The following HS3ST3A1 variants were observed in gnomAD, a reference collection of about 807,000 sequenced individuals.
HS3ST3A1 encodes the protein heparan sulfate-glucosamine 3-sulfotransferase 3A1.
HS3ST3A1 carries 19 observed loss-of-function variants against 25.7 expected under a neutral mutation model. That is an observed-to-expected ratio of 0.74 (90% CI 0.52 to 1.08). The LOEUF is 1.08. Among genes scored for constraint, HS3ST3A1 ranks in the 50% least tolerant of loss-of-function variants. The probability of loss-of-function intolerance (pLI) is 0.00; values close to 1 mark genes in which losing one functional copy is unlikely to be tolerated. For missense variants in HS3ST3A1, 459 were observed against 594.3 expected (o/e 0.77, Z 2.37); for synonymous variants, 226 against 278.6 (o/e 0.81, Z 1.88).
intron 1 of HS3ST3A1, among the ~76,000 whole-genome samples, chr17:13,534,498 G>A (rs191952950): frequency 8.0e-6 from 1 of 125,646 alleles, no homozygotes; most frequent in Non-Finnish European, 1.6e-5. Flanking sequence ...GAGCCCAGGA[G>A]TTTGAGACCA....
chr17:13,499,494 A>C (rs1253533026), intron 1 of HS3ST3A1, among the ~76,000 whole-genome samples: 1 of 151,934 alleles, frequency 6.6e-6, no homozygotes, highest in East Asian at 1.9e-4. Flanking sequence ...TTTTTTCTAT[A>C]TATCTTTGAC....
At chr17:13,591,336 C>T (rs1012965442) in intron 1 of HS3ST3A1, among the ~76,000 whole-genome samples, 4 of 152,024 alleles carry the variant, frequency 2.6e-5, no homozygotes, top group Non-Finnish European at 4.4e-5. Context: ...CATGAGCCAC[C>T]GCACCCAGCT....
intron 1 of HS3ST3A1, among the ~76,000 whole-genome samples, chr17:13,534,547 C>CAAA (rs34383911): frequency 7.3e-4 from 24 of 32,828 alleles, no homozygotes; most frequent in South Asian, 3.9e-3. Context: ...CTACAAAATC[C>CAAA]AAAAAAAAAA....
At chr17:13,564,841 A>T (rs2142368227) in intron 1 of HS3ST3A1, among the ~76,000 whole-genome samples, 1 of 151,192 alleles carries the variant, frequency 6.6e-6, no homozygotes, top group Non-Finnish European at 1.5e-5. Context: ...CTTATGCCTC[A>T]ATCTCTCAAG....
chr17:13,507,067 T>A (rs1372084092), intron 1 of HS3ST3A1, among the ~76,000 whole-genome samples: 4 of 116,596 alleles, frequency 3.4e-5, no homozygotes, highest in East Asian at 2.2e-4. Context: ...AGACTCCGTC[T>A]CCAAAAAAAA....
intron 1 of HS3ST3A1, among the ~76,000 whole-genome samples, chr17:13,582,380 G>C (rs1313291007): frequency 6.6e-6 from 1 of 152,104 alleles, no homozygotes; most frequent in Non-Finnish European, 1.5e-5. Context: ...GTTATTATTT[G>C]GTTTTTAAGA....
At chr17:13,579,714 AAAAAAAAAAAAAAAT>A (rs1455954886) in intron 1 of HS3ST3A1, among the ~76,000 whole-genome samples, 1 of 140,576 alleles carries the variant, frequency 7.1e-6, no homozygotes, top group Non-Finnish European at 1.6e-5. Context: ...AAAAAAAAAA[AAAAAAAAAAAAAAAT>A]CATAAGAAAT....
intron 1 of HS3ST3A1, among the ~76,000 whole-genome samples, chr17:13,514,133 TG>T (rs1412295657): frequency 6.6e-6 from 1 of 152,068 alleles, no homozygotes; most frequent in African/African-American, 2.4e-5. Context: ...TTTTTTCTAA[TG>T]GGATTTTTTT....
chr17:13,524,431 T>G (rs1404371687), intron 1 of HS3ST3A1, among the ~76,000 whole-genome samples: 1 of 151,712 alleles, frequency 6.6e-6, no homozygotes, highest in East Asian at 1.9e-4. Flanking sequence ...CTAATTTTTG[T>G]TTTTTTTGTA....
chr17:13,544,494 T>C (rs960158569), intron 1 of HS3ST3A1, among the ~76,000 whole-genome samples: 5 of 152,212 alleles, frequency 3.3e-5, no homozygotes, highest in African/African-American at 1.2e-4. Context: ...GCAGTTTTAC[T>C]GTTTCACATT....
chr17:13,539,622 C>T (rs1906871683), intron 1 of HS3ST3A1, among the ~76,000 whole-genome samples: 2 of 152,178 alleles, frequency 1.3e-5, no homozygotes, highest in African/African-American at 4.8e-5. Context: ...GTCAAACAGG[C>T]AACTTGTTTA....
chr17:13,533,285 T>G (rs1906665370), intron 1 of HS3ST3A1, among the ~76,000 whole-genome samples: 1 of 152,032 alleles, frequency 6.6e-6, no homozygotes, highest in Non-Finnish European at 1.5e-5. Context: ...AACGAATATT[T>G]AATACATATC....
At chr17:13,539,437 AC>A (rs1450797444) in intron 1 of HS3ST3A1, among the ~76,000 whole-genome samples, 1 of 152,246 alleles carries the variant, frequency 6.6e-6, no homozygotes, top group African/African-American at 2.4e-5. Flanking sequence ...GGATGAGGGT[AC>A]TAATGGTCAG....
chr17:13,510,810 G>C (rs1421115695), intron 1 of HS3ST3A1, among the ~76,000 whole-genome samples: 2 of 151,846 alleles, frequency 1.3e-5, no homozygotes, highest in Non-Finnish European at 2.9e-5. Context: ...GTTCAAGTGA[G>C]TCTCCTGCCT....
intron 1 of HS3ST3A1, among the ~76,000 whole-genome samples, chr17:13,557,861 A>T (rs1907424711): frequency 6.6e-6 from 1 of 152,240 alleles, no homozygotes; most frequent in Admixed American, 6.5e-5. Flanking sequence ...CAGAGAAAAA[A>T]TGTTCATCGT....
At chr17:13,587,908 C>G (rs764603247) in intron 1 of HS3ST3A1, among the ~76,000 whole-genome samples, 1 of 152,136 alleles carries the variant, frequency 6.6e-6, no homozygotes, top group Admixed American at 6.5e-5. Context: ...AATCCCATTC[C>G]CACACAGCCA....
At chr17:13,545,282 A>G (rs1424667325) in intron 1 of HS3ST3A1, among the ~76,000 whole-genome samples, 1 of 152,234 alleles carries the variant, frequency 6.6e-6, no homozygotes, top group African/African-American at 2.4e-5. Context: ...ATAGTGTTCA[A>G]GTAATGAAAG....
In HS3ST3A1 at chr17:13,560,703, T is replaced by G. The variant is rs373626633; in HGVS notation, c.599+39828A>C. Among the ~76,000 whole-genome samples the G allele has an allele frequency of 1.2e-4, 18 of 152,342 alleles. 1 individual carries two copies. In the East Asian group the frequency reaches 2.5e-3, roughly 21 times the overall value. On this transcript the variant is annotated intron_variant, in intron 1 of 1. Coordinates refer to ENST00000284110, the MANE Select transcript of HS3ST3A1 (RefSeq NM_006042.3). Reference sequence around the variant, plus strand: ...GAGTAAATATCTCTAAATAATTAACTATTGCAATTCCATTTTGATCAAAGT... The same window carrying G: ...GAGTAAATATCTCTAAATAATTAACGATTGCAATTCCATTTTGATCAAAGT...
intron 1 of HS3ST3A1, among the ~76,000 whole-genome samples, chr17:13,578,733 A>G (rs1908019635): frequency 6.6e-6 from 1 of 152,166 alleles, no homozygotes; most frequent in Non-Finnish European, 1.5e-5. Context: ...TGTTGATTAG[A>G]TTTTTAGCAT....
Sources: allele counts gnomAD v4.1 joint callset (sites outside exome capture counted in the v4.1 genomes callset), GRCh38; gene constraint gnomAD v4.1.1; transcripts MANE v1.5; gene names NCBI Gene and HGNC (gene_info 2026-07-23, HGNC 2026-07-21).